ZBTB32: variants seen among roughly 807,000 people sequenced by gnomAD.
The protein encoded by ZBTB32 is zinc finger and BTB domain-containing protein 32.
A neutral mutation model predicts 45.3 loss-of-function variants in ZBTB32; 28 were observed. That is an observed-to-expected ratio of 0.62 (90% confidence interval 0.46 to 0.85). The LOEUF is 0.85. Ranked by LOEUF, ZBTB32 falls within the 40% of genes least tolerant of loss-of-function variation. ZBTB32 has a pLI of 0.00. For missense variants in ZBTB32, 587 were observed against 624.4 expected (o/e 0.94, Z 0.64); for synonymous variants, 283 against 255.7 (o/e 1.11, Z -1.02).
In ZBTB32 at chr19:35,714,761, G is replaced by A; in HGVS notation, c.135G>A (p.Leu45=). Residue 45 remains leucine (L), a synonymous_variant, in exon 3 of 7, where the codon CTG becomes CTA. Transcript: ENST00000392197. ...VGSQEFPAHS[L]VLAGVSQQLG... is the part of the protein sequence containing the mutation. ...GCCAGGAGTTCCCCGCCCACAGCCTGGTGCTAGCAGGTGTCAGCCAGCAGC... is the reference window on the plus strand; with the variant it reads ...GCCAGGAGTTCCCCGCCCACAGCCTAGTGCTAGCAGGTGTCAGCCAGCAGC... 1 of 1,614,176 alleles carries A rather than the reference G, an allele frequency of 6.2e-7. No individual in the cohort carries two copies. Among genetic ancestry groups the A allele is most frequent in the Non-Finnish European group, 8.5e-7 (1 of 1,180,030 alleles).
chr19:35,716,010 G>A lies in ZBTB32; in HGVS notation c.1024+3G>A. 6.2e-7 allele frequency: 1 copy of A among 1,611,818 alleles called. No homozygotes were observed. The highest frequency in any genetic ancestry group is 8.5e-7 in the Non-Finnish European group (1 of 1,179,924). On this transcript the variant is annotated splice_donor_region_variant and intron_variant, in intron 5 of 6. Coordinates refer to ENST00000392197, the MANE Select transcript of ZBTB32 (RefSeq NM_014383.3). The stretch of plus-strand genomic sequence containing the variant: ...AGAGTCTGATCAGGGGCACACAGGT[G>A]AGTCGGGCGGGGGCACTCGTGCCTC...
At chr19:35,707,929 C>T (rs762781019) in intron 1 of ZBTB32, among the ~76,000 whole-genome samples, 1 of 152,024 alleles carries the variant, frequency 6.6e-6, no homozygotes, top group Non-Finnish European at 1.5e-5. Flanking sequence ...TTGCACTGAG[C>T]CAAGATCGTG....
chr19:35,712,181 G>A (rs903676769), intron 1 of ZBTB32, among the ~76,000 whole-genome samples: 13 of 151,988 alleles, frequency 8.6e-5, no homozygotes, highest in African/African-American at 2.9e-4. Flanking sequence ...TGCTTTATCC[G>A]CTGGGCGCAG....
intron 1 of ZBTB32, among the ~76,000 whole-genome samples, chr19:35,705,085 C>T (rs1167818177): frequency 1.3e-5 from 2 of 151,624 alleles, no homozygotes; most frequent in Non-Finnish European, 2.9e-5. Flanking sequence ...GCAGGTGGAT[C>T]ATTTGAGGTC....
At chr19:35,705,198 A>G (rs1290746465) in intron 1 of ZBTB32, among the ~76,000 whole-genome samples, 3 of 151,940 alleles carry the variant, frequency 2.0e-5, no homozygotes, top group Non-Finnish European at 4.4e-5. Context: ...AATCCCAGCT[A>G]CTCAGAAAGC....
At chr19:35,716,062 G>C in intron 5 of ZBTB32, 55 bp downstream of exon 5, 6 of 1,611,260 alleles carry the variant, frequency 3.7e-6, no homozygotes, top group Non-Finnish European at 5.1e-6. Flanking sequence ...TTGATTTCCT[G>C]CCTGAATGGT....
Position 35,715,986 on chromosome 19 carries a change from G to C in ZBTB32, c.1003G>C (p.Glu335Gln). ...PAQLSPGEME[E>Q]SDQGHTGALA... The stretch of plus-strand genomic sequence containing the variant: ...ACAGCTCAGCCCTGGGGAGATGGAA[G>C]AGTCTGATCAGGGGCACACAGGTGA... The change falls in exon 5 of 7, where the codon GAG (glutamate) becomes CAG (glutamine). Residue 335 changes from glutamate (E) to glutamine (Q), a missense_variant. Glu to Gln is a conservative substitution (Grantham distance 29, BLOSUM62 2). Coordinates refer to ENST00000392197, the MANE Select transcript of ZBTB32 (RefSeq NM_014383.3). The C allele has an allele frequency of 6.2e-7, 1 of 1,612,978 alleles. No homozygotes were observed. The highest frequency in any genetic ancestry group is 8.5e-7 in the Non-Finnish European group (1 of 1,179,966).
intron 4 of ZBTB32, 49 bp from the exon 5 acceptor site, chr19:35,715,890 C>T (rs760706774): frequency 3.1e-6 from 5 of 1,609,134 alleles, no homozygotes; most frequent in Admixed American, 3.4e-5. Flanking sequence ...GGCTGGGGCT[C>T]GAGGAGTCCA....
intron 1 of ZBTB32, among the ~76,000 whole-genome samples, chr19:35,707,992 AGAGT>A (rs200764379): frequency 0.016 from 2,365 of 152,278 alleles, 44 homozygotes; most frequent in Non-Finnish European, 0.024. Flanking sequence ...AATAAAAAGA[AGAGT>A]TAGTCCCATG....
chr19:35,711,192 A>C (rs930267886), intron 1 of ZBTB32, among the ~76,000 whole-genome samples: 1 of 152,166 alleles, frequency 6.6e-6, no homozygotes, highest in Non-Finnish European at 1.5e-5. Flanking sequence ...CTGGAAAGCG[A>C]GGGGGCCACA....
Position 35,713,001 on chromosome 19 carries a change from G to A in ZBTB32, c.-137G>A, listed in dbSNP as rs1342264224. 1 of 152,214 alleles carries A rather than the reference G, an allele frequency of 6.6e-6. No homozygotes were observed. Among genetic ancestry groups the A allele is most frequent in the Admixed American group, 6.5e-5 (1 of 15,274 alleles). The allele number at this position is 152,214 out of a possible 1,614,324, so 9.4% of individuals were successfully genotyped here. ...TACAAACCACACTCATATTCGTCACGTCATTTCATCTTCACCCCCACCTCC... is the reference window on the plus strand; with the variant it reads ...TACAAACCACACTCATATTCGTCACATCATTTCATCTTCACCCCCACCTCC... On this transcript the variant is annotated 5_prime_UTR_variant, in exon 2 of 7. Coordinates refer to ENST00000392197, the MANE Select transcript of ZBTB32 (RefSeq NM_014383.3).
chr19:35,709,451 T>C (rs542706392), intron 1 of ZBTB32, among the ~76,000 whole-genome samples: 1 of 152,326 alleles, frequency 6.6e-6, no homozygotes, highest in African/African-American at 2.4e-5. Flanking sequence ...TACATCAAGC[T>C]GGGTTGTGCC....
Position 35,714,546 on chromosome 19 carries a change from C to T in ZBTB32, c.-81C>T, listed in dbSNP as rs1968797742. 3.8e-5 allele frequency: 53 copies of T among 1,385,072 alleles called. No individual in the cohort carries two copies. The South Asian group carries it at 8.3e-4, about 22-fold the overall frequency. The allele number at this position is 1,385,072 out of a possible 1,614,324, so 85.8% of individuals were successfully genotyped here. ...AGGCTTGAAATGAGATGAGATGTTCCTCCCTCCCCTTTCAACCATGGACCT... is the reference window on the plus strand; with the variant it reads ...AGGCTTGAAATGAGATGAGATGTTCTTCCCTCCCCTTTCAACCATGGACCT... On this transcript the variant is annotated 5_prime_UTR_variant, in exon 3 of 7. Transcript: ENST00000392197.
intron 3 of ZBTB32, 99 bp from the exon 4 acceptor site, chr19:35,715,658 G>C (rs1336559691): frequency 6.7e-7 from 1 of 1,491,590 alleles, no homozygotes; most frequent in Admixed American, 2.1e-5. Context: ...GCACGCCAAA[G>C]CCCAGCCCCC....
intron 1 of ZBTB32, among the ~76,000 whole-genome samples, chr19:35,706,330 A>G (rs544804052): frequency 1.1e-4 from 17 of 152,046 alleles, no homozygotes; most frequent in African/African-American, 1.7e-4. Flanking sequence ...GAAGATGAAG[A>G]TATCAGGCTG....
chr19:35,716,084 G>C lies in ZBTB32; in HGVS notation c.1025-49G>C, dbSNP rs2234371. 5.0e-6 allele frequency: 8 copies of C among 1,610,746 alleles called. No homozygotes were observed. The Admixed American group carries it at 1.3e-4, about 27-fold the overall frequency. On this transcript the variant is annotated intron_variant, in intron 5 of 6. Coordinates refer to ENST00000392197, the MANE Select transcript of ZBTB32 (RefSeq NM_014383.3). ...CCTGCCTGAATGGTACAGTGAGTTG[G>C]CGCTGGGATTCCTGGCCCTGCCCTC...
chr19:35,715,569 C>T (rs1599658184), intron 3 of ZBTB32, 62 bp downstream of exon 3: 1 of 1,504,122 alleles, frequency 6.6e-7, no homozygotes, highest in Non-Finnish European at 8.8e-7. Context: ...GGAGGGGCAG[C>T]CCTGCTGGGT....
chr19:35,716,082 T>G (rs1252739065), intron 5 of ZBTB32, 51 bp from the exon 6 acceptor site: 1 of 1,611,914 alleles, frequency 6.2e-7, no homozygotes, highest in Non-Finnish European at 8.5e-7. Context: ...TACAGTGAGT[T>G]GGCGCTGGGA....
rs1324354734 is a variant in ZBTB32, at chr19:35,714,426, G to T, written c.-104-97G>T. The T allele has an allele frequency of 1.8e-5, 9 of 504,638 alleles. No individual in the cohort carries two copies. In the East Asian group the frequency reaches 2.9e-4, roughly 16 times the overall value. 31.3% of individuals were successfully genotyped at this position (504,638 alleles called of 1,614,324 possible). On this transcript the variant is annotated intron_variant, in intron 2 of 6. Transcript: ENST00000392197. ...GCCTACCTGCTATGATTCTGGATAA[G>T]CTCCAATCCTCTCTTGGGTTACTTT...
Sources: allele counts gnomAD v4.1 joint callset (sites outside exome capture counted in the v4.1 genomes callset), GRCh38; gene constraint gnomAD v4.1.1; transcripts MANE v1.5; gene names NCBI Gene and HGNC (gene_info 2026-07-23, HGNC 2026-07-21).